COL14A1: variants seen among roughly 807,000 people sequenced by gnomAD.
The protein encoded by COL14A1 is collagen alpha-1(XIV) chain.
COL14A1 carries 136 observed loss-of-function variants against 230.3 expected under a neutral mutation model. That is an observed-to-expected ratio of 0.59 (90% CI 0.51 to 0.68). The LOEUF is 0.68. Ranked by LOEUF, COL14A1 falls within the 30% of genes least tolerant of loss-of-function variation. COL14A1 has a pLI of 0.00. For synonymous variants in COL14A1, 792 were observed against 784.1 expected, an observed-to-expected ratio of 1.01 and a Z score of -0.17; for missense variants, 1,976 against 2,215.8, an observed-to-expected ratio of 0.89 and a Z score of 2.17.
At chr8:120,369,212 G>A in intron 46 of COL14A1, 118 bp from the exon 47 acceptor site, 2 of 1,004,460 alleles carry the variant, frequency 2.0e-6, no homozygotes, top group Non-Finnish European at 2.7e-6. Flanking sequence ...GTAGAAAGAG[G>A]TTGTCCTAAT....
intron 42 of COL14A1, among the ~76,000 whole-genome samples, chr8:120,337,317 A>G (rs1822112662): frequency 1.3e-5 from 2 of 151,508 alleles, no homozygotes; most frequent in Admixed American, 1.3e-4. Flanking sequence ...AATCGCTTAA[A>G]CCCGGGAGGC....
intron 38 of COL14A1, 121 bp downstream of exon 38, chr8:120,314,148 A>G (rs1002236592): frequency 1.5e-6 from 1 of 661,550 alleles, no homozygotes; most frequent in Non-Finnish European, 2.5e-6. Context: ...GAAAGCAATG[A>G]TGGAGTGTCA....
intron 36 of COL14A1, among the ~76,000 whole-genome samples, chr8:120,302,872 G>A (rs1488986436): frequency 6.6e-6 from 1 of 152,172 alleles, no homozygotes; most frequent in Non-Finnish European, 1.5e-5. Flanking sequence ...CTATCCAAGA[G>A]CATGAAACGT....
intron 9 of COL14A1, among the ~76,000 whole-genome samples, chr8:120,204,098 A>G (rs1281692411): frequency 6.6e-6 from 1 of 152,202 alleles, no homozygotes; most frequent in African/African-American, 2.4e-5. Flanking sequence ...TTACATTTAC[A>G]TTTATTTAAA....
chr8:120,361,622 A>G (rs1055491964), intron 45 of COL14A1, among the ~76,000 whole-genome samples: 23 of 152,228 alleles, frequency 1.5e-4, no homozygotes, highest in African/African-American at 4.8e-4. Flanking sequence ...AGGCAATATA[A>G]TAACACAGAA....
chr8:120,267,360 C>CA (rs1314617196), intron 25 of COL14A1, among the ~76,000 whole-genome samples: 1 of 151,700 alleles, frequency 6.6e-6, no homozygotes, highest in Non-Finnish European at 1.5e-5. Flanking sequence ...CAATAATGAA[C>CA]ATTTATTAAT....
chr8:120,318,062 T>G (rs1006429622), intron 40 of COL14A1, among the ~76,000 whole-genome samples: 1 of 152,196 alleles, frequency 6.6e-6, no homozygotes, highest in South Asian at 2.1e-4. Context: ...GGCAATATCA[T>G]TTCAATGTGC....
At chr8:120,282,205 A>G (rs911008414) in intron 31 of COL14A1, among the ~76,000 whole-genome samples, 1 of 152,186 alleles carries the variant, frequency 6.6e-6, no homozygotes, top group Admixed American at 6.5e-5. Context: ...GAAATTGGAA[A>G]TCATCATTCT....
chr8:120,248,614 T>C (rs868218262), intron 21 of COL14A1, among the ~76,000 whole-genome samples: 4 of 152,160 alleles, frequency 2.6e-5, no homozygotes, highest in African/African-American at 9.6e-5. Flanking sequence ...CTCAGCCCTT[T>C]GGGAGGCTGA....
intron 5 of COL14A1, among the ~76,000 whole-genome samples, chr8:120,181,938 T>A (rs1271370192): frequency 1.3e-5 from 2 of 152,028 alleles, no homozygotes; most frequent in Admixed American, 1.3e-4. Flanking sequence ...GGAGACAGAA[T>A]GACACTCCTC....
At chr8:120,133,045 G>A (rs909148563) in intron 1 of COL14A1, among the ~76,000 whole-genome samples, 26 of 151,874 alleles carry the variant, frequency 1.7e-4, no homozygotes, top group African/African-American at 5.3e-4. Context: ...GTGAAACCCC[G>A]TCTCTACTAA....
chr8:120,224,451 C>A (rs1426843708), intron 14 of COL14A1, among the ~76,000 whole-genome samples: 2 of 152,096 alleles, frequency 1.3e-5, no homozygotes, highest in Admixed American at 1.3e-4. Context: ...CCCAACCCAC[C>A]CATCTTCTCT....
chr8:120,176,842 C>T (rs1447312103), intron 5 of COL14A1, among the ~76,000 whole-genome samples: 3 of 152,118 alleles, frequency 2.0e-5, no homozygotes, highest in Non-Finnish European at 4.4e-5. Context: ...CCAGTTTTCT[C>T]CTCCTCCCTT....
chr8:120,300,711 GC>G lies in COL14A1; in HGVS notation c.4315-20del. ...TATAAACTGGCATGCTAATGGTTGT[GC>G]TTTTTTTGTTTCTTTTCAGAGAGAT... On this transcript the variant is annotated intron_variant, in intron 35 of 47. Coordinates refer to ENST00000297848, the MANE Select transcript of COL14A1 (RefSeq NM_021110.4). 6.3e-7 allele frequency: 1 copy of G among 1,594,916 alleles called. No homozygotes were observed.
chr8:120,125,463 G>C (rs1201757092), intron 1 of COL14A1, 123 bp downstream of exon 1: 4 of 152,446 alleles, frequency 2.6e-5, no homozygotes, highest in African/African-American at 7.2e-5. Context: ...CTTTTCACGC[G>C]CGCGCCCAGA....
At chr8:120,140,165 C>T (rs1814853050) in intron 1 of COL14A1, among the ~76,000 whole-genome samples, 1 of 152,244 alleles carries the variant, frequency 6.6e-6, no homozygotes, top group Non-Finnish European at 1.5e-5. Flanking sequence ...AGCAAATTAT[C>T]ACCACAAGTG....
intron 19 of COL14A1, among the ~76,000 whole-genome samples, chr8:120,239,562 A>G (rs1252981892): frequency 1.3e-5 from 2 of 152,226 alleles, no homozygotes; most frequent in African/African-American, 4.8e-5. Context: ...AGGCCATTAC[A>G]CTGATCTGGG....
At chr8:120,303,490 G>T (rs141691859) in intron 36 of COL14A1, among the ~76,000 whole-genome samples, 2 of 152,152 alleles carry the variant, frequency 1.3e-5, no homozygotes, top group African/African-American at 4.8e-5. Context: ...CATCTATTGA[G>T]ATAATTACGT....
intron 36 of COL14A1, among the ~76,000 whole-genome samples, chr8:120,308,138 C>T (rs1317029147): frequency 1.3e-5 from 2 of 152,212 alleles, no homozygotes; most frequent in African/African-American, 4.8e-5. Context: ...TGTGCCACCA[C>T]ACTCAGCTAA....
Sources: gnomAD v4.1 joint callset for allele counts (sites outside exome capture counted in the v4.1 genomes callset) on GRCh38, gnomAD v4.1.1 for gene constraint, MANE v1.5 for transcripts, NCBI Gene and HGNC (gene_info 2026-07-23, HGNC 2026-07-21) for gene names.